Variants in DNAH12 observed in about 807,000 individuals in gnomAD.
The protein encoded by DNAH12 is dynein axonemal heavy chain 12.
Under a neutral mutation model 371.5 loss-of-function variants are expected in DNAH12, and 285 were observed. That is an observed-to-expected ratio of 0.77 (90% CI 0.70 to 0.85). The LOEUF (loss-of-function observed/expected upper bound fraction) is 0.85, where lower values mean the gene tolerates loss of function less well. Ranked by LOEUF, DNAH12 falls within the 40% of genes least tolerant of loss-of-function variation. The pLI, the probability that DNAH12 is intolerant of heterozygous loss-of-function variation, is 0.00. For synonymous variants in DNAH12, 1,200 were observed against 1,213.0 expected (o/e 0.99, Z 0.22); for missense variants, 3,611 against 3,689.4 (o/e 0.98, Z 0.55).
At position 57,359,577 on chromosome 3, in the gene DNAH12, A is replaced by AG. The variant is rs1467391865; in HGVS notation, c.9361-2230_9361-2229insC. ...TCCATCTCAAAAAAAAAAAAAAAAA[A>AG]AAAGAAAGAAAGAAAGAAATACTGT... On this transcript the variant is annotated intron_variant, in intron 58 of 73. Coordinates refer to ENST00000495027, the MANE Select transcript of DNAH12 (RefSeq NM_001366028.2). 5.5e-3 allele frequency among the ~76,000 whole-genome samples: 795 copies of AG among 144,960 alleles called. 5 individuals carry two copies. Among genetic ancestry groups the AG allele is most frequent in the Admixed American group, 8.2e-3 (121 of 14,692 alleles).
intron 43 of DNAH12, among the ~76,000 whole-genome samples, chr3:57,398,852 C>T (rs2063798299): frequency 6.6e-6 from 1 of 152,092 alleles, no homozygotes; most frequent in South Asian, 2.1e-4. Context: ...TGAAGCCATA[C>T]AAAAGTATAA....
intron 65 of DNAH12, among the ~76,000 whole-genome samples, chr3:57,320,762 G>C (rs961711830): frequency 1.3e-5 from 2 of 152,246 alleles, no homozygotes; most frequent in Middle Eastern, 6.8e-3. Flanking sequence ...CTGGGGATGG[G>C]ACCCAGCAAG....
In DNAH12 at chr3:57,468,974, A is replaced by ATCCG. The variant is rs1208423690; in HGVS notation, c.2110_2111insCGGA (p.Met704ThrfsTer17). The stretch of plus-strand genomic sequence containing the variant: ...ATTGAGGTCCAAAAACCCTCCATCC[A>ATCCG]TCCACCTGAATGGAAAGAAAAAATA... On this transcript the variant is annotated frameshift_variant, in exon 17 of 74. Transcript: ENST00000495027. LOFTEE classifies it high-confidence loss of function. 2.0e-6 allele frequency: 3 copies of ATCCG among 1,508,154 alleles called. No homozygotes were observed. In the African/African-American group the frequency reaches 4.3e-5, roughly 22 times the overall value. 93.4% of individuals were successfully genotyped at this position (1,508,154 alleles called of 1,614,324 possible).
At chr3:57,466,620 A>G (rs987595188) in intron 17 of DNAH12, among the ~76,000 whole-genome samples, 7 of 152,170 alleles carry the variant, frequency 4.6e-5, no homozygotes. Context: ...TATCTTGCTC[A>G]AGGTATGCCA....
intron 60 of DNAH12, among the ~76,000 whole-genome samples, chr3:57,340,015 G>A (rs1553655574): frequency 6.6e-6 from 1 of 151,696 alleles, no homozygotes; most frequent in Non-Finnish European, 1.5e-5. Context: ...AAACCACAGT[G>A]AGCTGTGATC....
At chr3:57,504,952 A>G (rs1575700049) in intron 8 of DNAH12, among the ~76,000 whole-genome samples, 1 of 150,300 alleles carries the variant, frequency 6.7e-6, no homozygotes, top group South Asian at 2.1e-4. Context: ...CAGTGGCAAG[A>G]CCTCGATTCA....
At chr3:57,393,625 C>CAAAAAAAAAAAAA (rs1180952196) in intron 44 of DNAH12, among the ~76,000 whole-genome samples, 10 of 64,296 alleles carry the variant, frequency 1.6e-4, no homozygotes, top group African/African-American at 6.1e-4. Flanking sequence ...GACTCTGTCT[C>CAAAAAAAAAAAAA]AAAAAAAAAA....
intron 4 of DNAH12, among the ~76,000 whole-genome samples, chr3:57,521,745 G>A (rs113095632): frequency 3.9e-5 from 6 of 151,918 alleles, no homozygotes; most frequent in South Asian, 2.1e-4. Flanking sequence ...AAATTAGCTC[G>A]GCATGGTGGC....
At chr3:57,465,922 C>T (rs1422058317) in intron 17 of DNAH12, among the ~76,000 whole-genome samples, 1 of 151,874 alleles carries the variant, frequency 6.6e-6, no homozygotes. Flanking sequence ...TAGCAAAAAC[C>T]TAAAGTTTGA....
chr3:57,498,502 A>T, intron 11 of DNAH12: 1 of 715,426 alleles, frequency 1.4e-6, no homozygotes, highest in Non-Finnish European at 2.6e-6. Context: ...TTAAAAAGTT[A>T]AAAATACACT....
At chr3:57,423,280 G>A (rs1316640089) in intron 35 of DNAH12, among the ~76,000 whole-genome samples, 2 of 152,292 alleles carry the variant, frequency 1.3e-5, no homozygotes, top group Non-Finnish European at 2.9e-5. Flanking sequence ...AATGCAACTT[G>A]AAGGTTATAT....
At chr3:57,365,115 A>G (rs2063019368) in intron 57 of DNAH12, among the ~76,000 whole-genome samples, 1 of 152,216 alleles carries the variant, frequency 6.6e-6, no homozygotes, top group East Asian at 1.9e-4. Context: ...CTGGGTATAT[A>G]CCAAAGGAAT....
intron 2 of DNAH12, among the ~76,000 whole-genome samples, chr3:57,528,618 G>C (rs1288501197): frequency 0.04 from 2 of 50 alleles, no homozygotes; most frequent in East Asian, 0.25. Flanking sequence ...CCAGCTACTC[G>C]GGAGGCTTGA....
At chr3:57,499,630 CAAAAAAA>C (rs1220632097) in intron 11 of DNAH12, among the ~76,000 whole-genome samples, 2 of 14,890 alleles carry the variant, frequency 1.3e-4, no homozygotes, top group Non-Finnish European at 2.2e-4. Context: ...ACCATCTCTA[CAAAAAAA>C]AAAAAAAAAA....
intron 5 of DNAH12, 109 bp from the exon 6 acceptor site, chr3:57,509,321 G>A: frequency 9.6e-7 from 1 of 1,045,958 alleles, no homozygotes; most frequent in Non-Finnish European, 1.4e-6. Context: ...TGCATTAAAA[G>A]GAATGTAAGA....
At chr3:57,503,394 GT>G (rs1256442215) in intron 9 of DNAH12, among the ~76,000 whole-genome samples, 147 of 144,300 alleles carry the variant, frequency 1.0e-3, no homozygotes, top group African/African-American at 1.5e-3. Context: ...TTTATTATTG[GT>G]TTTTTTTTTT....
intron 69 of DNAH12, among the ~76,000 whole-genome samples, chr3:57,303,065 C>A (rs753017147): frequency 2.0e-5 from 3 of 151,628 alleles, no homozygotes; most frequent in African/African-American, 4.8e-5. Context: ...CTCAACTGGG[C>A]GTGGTGGCTC....
intron 2 of DNAH12, among the ~76,000 whole-genome samples, chr3:57,528,989 G>T (rs2068745277): frequency 6.6e-6 from 1 of 151,776 alleles, no homozygotes; most frequent in African/African-American, 2.4e-5. Context: ...TAGTAGAGAT[G>T]AGGTTTCACC....
chr3:57,327,825 A>AG (rs1425838376), intron 62 of DNAH12, among the ~76,000 whole-genome samples: 5 of 152,264 alleles, frequency 3.3e-5, no homozygotes, highest in African/African-American at 1.2e-4. Flanking sequence ...AGACTAATAA[A>AG]GAAAAAAAAG....
Sources: allele counts gnomAD v4.1 joint callset (sites outside exome capture counted in the v4.1 genomes callset), GRCh38; gene constraint gnomAD v4.1.1; transcripts MANE v1.5; gene names NCBI Gene and HGNC (gene_info 2026-07-23, HGNC 2026-07-21).